The following B3GALT1 variants were observed in gnomAD, a reference collection of about 807,000 sequenced individuals.
The protein encoded by B3GALT1 is UDP-Gal:betaGlcNAc beta 1,3-galactosyltransferase, polypeptide 1.
A neutral mutation model predicts 23.2 loss-of-function variants in B3GALT1; 10 were observed. That is an observed-to-expected ratio of 0.43 (90% CI 0.27 to 0.73). The LOEUF (loss-of-function observed/expected upper bound fraction) is 0.73. Ranked by LOEUF, B3GALT1 falls within the 30% of genes least tolerant of loss-of-function variation. The pLI is 0.21. For synonymous variants in B3GALT1, 156 were observed against 141.5 expected (o/e 1.10, Z -0.73); for missense variants, 299 against 405.4 (o/e 0.74, Z 2.25).
intron 1 of B3GALT1, among the ~76,000 whole-genome samples, chr2:167,403,277 G>T (rs56019643): frequency 1.5e-4 from 22 of 151,118 alleles, no homozygotes; most frequent in Non-Finnish European, 2.4e-4. Context: ...GCGGTGTTTG[G>T]TTTTTTGTCC....
chr2:167,750,286 T>C (rs371471246), intron 3 of B3GALT1, among the ~76,000 whole-genome samples: 42 of 152,280 alleles, frequency 2.8e-4, no homozygotes, highest in African/African-American at 9.1e-4. Context: ...TCCAATAAAG[T>C]GAAATTTGTC....
At chr2:167,566,645 GC>G (rs1161681413) in intron 2 of B3GALT1, among the ~76,000 whole-genome samples, 1 of 152,100 alleles carries the variant, frequency 6.6e-6, no homozygotes, top group Non-Finnish European at 1.5e-5. Flanking sequence ...TGCTAATTGA[GC>G]CATATGAGTA....
At position 167,424,190 on chromosome 2, in the gene B3GALT1, G is replaced by C. The variant is rs1048809558; in HGVS notation, c.-510-65987G>C. On this transcript the variant is annotated intron_variant, in intron 1 of 4. Coordinates refer to ENST00000392690, the MANE Select transcript of B3GALT1 (RefSeq NM_020981.4). ...GTAGTACACATGCCATAAGTGAAAG[G>C]CTCTTGAAAGGAACCAAAGAGGTAA... Among the ~76,000 whole-genome samples the C allele has an allele frequency of 2.0e-5, 3 of 152,116 alleles. No homozygotes were observed. In the East Asian group the frequency reaches 5.8e-4, roughly 29 times the overall value.
At chr2:167,703,503 A>ATC (rs1686913883) in intron 3 of B3GALT1, among the ~76,000 whole-genome samples, 1 of 151,770 alleles carries the variant, frequency 6.6e-6, no homozygotes, top group African/African-American at 2.4e-5. Context: ...GATTAAAATT[A>ATC]AGGTTAAAAA....
chr2:167,317,548 A>G (rs1696738955), intron 1 of B3GALT1, among the ~76,000 whole-genome samples: 1 of 152,156 alleles, frequency 6.6e-6, no homozygotes, highest in African/African-American at 2.4e-5. Context: ...TCTGATTTCC[A>G]AAAGACACTT....
At chr2:167,724,753 G>C (rs1307194261) in intron 3 of B3GALT1, among the ~76,000 whole-genome samples, 4 of 152,126 alleles carry the variant, frequency 2.6e-5, no homozygotes, top group African/African-American at 9.7e-5. Context: ...AAAACAGCTG[G>C]TTTCTCATAT....
intron 3 of B3GALT1, among the ~76,000 whole-genome samples, chr2:167,744,773 T>A (rs1411299701): frequency 3.9e-5 from 6 of 151,990 alleles, no homozygotes; most frequent in African/African-American, 1.2e-4. Flanking sequence ...GTATTTTTAG[T>A]AGAACAGGGT....
chr2:167,648,983 A>C (rs921880047), intron 3 of B3GALT1, among the ~76,000 whole-genome samples: 2 of 152,126 alleles, frequency 1.3e-5, no homozygotes, highest in Admixed American at 1.3e-4. Flanking sequence ...AGAGGAGATG[A>C]CAGTAGATTT....
chr2:167,342,000 AGTTTATTTTGAACTCAGT>A (rs1697154900), intron 1 of B3GALT1, among the ~76,000 whole-genome samples: 2 of 152,190 alleles, frequency 1.3e-5, no homozygotes, highest in Admixed American at 6.5e-5. Flanking sequence ...CTCTTAGCCC[AGTTTATTTTGAACTCAGT>A]GTTGTTACAT....
intron 3 of B3GALT1, among the ~76,000 whole-genome samples, chr2:167,684,646 T>C (rs1348260054): frequency 1.3e-5 from 2 of 152,266 alleles, no homozygotes; most frequent in East Asian, 1.9e-4. Flanking sequence ...AAAGTTTTTA[T>C]GGTGATATTT....
intron 3 of B3GALT1, among the ~76,000 whole-genome samples, chr2:167,817,834 C>T (rs1689025792): frequency 6.6e-6 from 1 of 152,218 alleles, no homozygotes. Flanking sequence ...GCTTGAGACC[C>T]AAGAATCTGA....
Position 167,873,945 on chromosome 2 carries a change from C to T in B3GALT1, c.*3925C>T, listed in dbSNP as rs370383594. ...TGAAATGTAAACTGTTGACTGAAAG[C>T]GCAATGCTTATGTACAGGCCCATCT... On this transcript the variant is annotated 3_prime_UTR_variant, in exon 5 of 5. Coordinates refer to ENST00000392690, the MANE Select transcript of B3GALT1 (RefSeq NM_020981.4). 27 of 152,264 alleles carry T rather than the reference C, an allele frequency of 1.8e-4. No homozygotes were observed. The highest frequency in any genetic ancestry group is 5.3e-4 in the African/African-American group (22 of 41,548). The allele number at this position is 152,264 out of a possible 1,614,324, so 9.4% of individuals were successfully genotyped here.
At chr2:167,417,320 A>G (rs1698486689) in intron 1 of B3GALT1, among the ~76,000 whole-genome samples, 1 of 152,178 alleles carries the variant, frequency 6.6e-6, no homozygotes, top group South Asian at 2.1e-4. Flanking sequence ...GGCCTGAGCT[A>G]GCATACTCAG....
At chr2:167,796,592 CA>C (rs1459699906) in intron 3 of B3GALT1, among the ~76,000 whole-genome samples, 1 of 151,848 alleles carries the variant, frequency 6.6e-6, no homozygotes, top group South Asian at 2.1e-4. Flanking sequence ...ACTAAAAATA[CA>C]AAAAAATTAG....
In B3GALT1 at chr2:167,527,441, A is replaced by G. The variant is rs143974044; in HGVS notation, c.-410+37164A>G. On this transcript the variant is annotated intron_variant, in intron 2 of 4. Transcript: ENST00000392690. ...TAAGTTTCTCCCTTATGTGATTTAT[A>G]CCTTCATTTTATAGAAATGAAAAAA... Among the ~76,000 whole-genome samples, 453 of 145,864 alleles carry G rather than the reference A, an allele frequency of 3.1e-3. 4 individuals are homozygous for G. Among genetic ancestry groups the G allele is most frequent in the African/African-American group, 0.011 (431 of 39,310 alleles).
chr2:167,377,644 C>T (rs551292637), intron 1 of B3GALT1, among the ~76,000 whole-genome samples: 1 of 151,992 alleles, frequency 6.6e-6, no homozygotes, highest in African/African-American at 2.4e-5. Flanking sequence ...AACAGTGACC[C>T]CTGCCTTTTT....
At chr2:167,703,584 C>T (rs1320780425) in intron 3 of B3GALT1, among the ~76,000 whole-genome samples, 1 of 152,192 alleles carries the variant, frequency 6.6e-6, no homozygotes, top group Non-Finnish European at 1.5e-5. Context: ...GGCTACAAGT[C>T]ATTTTAAGAT....
chr2:167,846,005 A>G (rs908668557), intron 4 of B3GALT1, among the ~76,000 whole-genome samples: 3 of 152,192 alleles, frequency 2.0e-5, no homozygotes, highest in African/African-American at 7.2e-5. Flanking sequence ...AGAAAAATTC[A>G]GAGCTCAAAA....
intron 4 of B3GALT1, among the ~76,000 whole-genome samples, chr2:167,853,880 GAGAT>G (rs1340051174): frequency 1.3e-5 from 2 of 152,122 alleles, no homozygotes; most frequent in Non-Finnish European, 2.9e-5. Context: ...TTCCCTGAGA[GAGAT>G]AATCAGTTGT....
Sources: allele counts gnomAD v4.1 joint callset (sites outside exome capture counted in the v4.1 genomes callset), GRCh38; gene constraint gnomAD v4.1.1; transcripts MANE v1.5; gene names NCBI Gene and HGNC (gene_info 2026-07-23, HGNC 2026-07-21).